The following PRDM16 variants were observed in gnomAD, a reference collection of about 807,000 sequenced individuals.
PRDM16 encodes the protein histone-lysine N-methyltransferase PRDM16.
Under a neutral mutation model 110.6 loss-of-function variants are expected in PRDM16, and 23 were observed. That is an observed-to-expected ratio of 0.21 (90% confidence interval 0.15 to 0.29). The LOEUF is 0.29. Ranked by LOEUF, PRDM16 falls within the 10% of genes least tolerant of loss-of-function variation. PRDM16 has a pLI of 1.00. For missense variants in PRDM16, 1,615 were observed against 1,794.3 expected (o/e 0.90, Z 1.81); for synonymous variants, 799 against 781.8 (o/e 1.02, Z -0.37).
intron 2 of PRDM16, among the ~76,000 whole-genome samples, chr1:3,187,222 C>CA (rs1004868587): frequency 6.6e-6 from 1 of 152,168 alleles, no homozygotes; most frequent in African/African-American, 2.4e-5. Context: ...CCCACCCCCC[C>CA]ACAAAAAGTG....
At chr1:3,248,409 T>C (rs1435280347) in intron 3 of PRDM16, among the ~76,000 whole-genome samples, 1 of 152,196 alleles carries the variant, frequency 6.6e-6, no homozygotes, top group Non-Finnish European at 1.5e-5. Flanking sequence ...TCTCTTATTT[T>C]TATTTTCTCT....
intron 3 of PRDM16, among the ~76,000 whole-genome samples, chr1:3,321,417 C>T (rs2100455311): frequency 6.6e-6 from 1 of 150,584 alleles, no homozygotes; most frequent in South Asian, 2.1e-4. Flanking sequence ...TGAGTGTATG[C>T]ATTTGTGTGT....
chr1:3,198,472 C>T (rs1179228782), intron 2 of PRDM16, among the ~76,000 whole-genome samples: 3 of 152,216 alleles, frequency 2.0e-5, no homozygotes, highest in Non-Finnish European at 4.4e-5. Flanking sequence ...TGCAGGGGAG[C>T]GTGGTCTCTT....
chr1:3,104,498 C>T (rs1035854774), intron 1 of PRDM16, among the ~76,000 whole-genome samples: 4 of 125,650 alleles, frequency 3.2e-5, no homozygotes, highest in East Asian at 3.0e-4. Flanking sequence ...CTCCAGTGGG[C>T]GGGAGACCAC....
chr1:3,114,881 C>A (rs1242681559), intron 1 of PRDM16, among the ~76,000 whole-genome samples: 2 of 152,264 alleles, frequency 1.3e-5, no homozygotes, highest in African/African-American at 4.8e-5. Context: ...GAGGCCCTGG[C>A]CGGGATGCAG....
At position 3,160,129 on chromosome 1, in the gene PRDM16, C is replaced by T. The variant is rs372189759; in HGVS notation, c.38-25996C>T. ...GGGCAGCCGGGCATTTCTGAGCTCC[C>T]GCAGCCAGAGGCCTTGCCCTTGGCA... is the stretch of plus-strand genomic sequence containing the variant. On this transcript the variant is annotated intron_variant, in intron 1 of 16. Transcript: ENST00000270722. Among the ~76,000 whole-genome samples the T allele has an allele frequency of 1.8e-4, 28 of 152,332 alleles. No homozygotes were observed. In the South Asian group the frequency reaches 4.8e-3, roughly 26 times the overall value.
At chr1:3,072,113 A>T (rs1026576058) in intron 1 of PRDM16, among the ~76,000 whole-genome samples, 2 of 152,022 alleles carry the variant, frequency 1.3e-5, no homozygotes, top group Non-Finnish European at 2.9e-5. Context: ...CAGAGTGAGG[A>T]CAGTTCAGGG....
chr1:3,183,796 C>T (rs748593474), intron 1 of PRDM16, among the ~76,000 whole-genome samples: 3 of 152,228 alleles, frequency 2.0e-5, no homozygotes, highest in South Asian at 2.1e-4. Context: ...GCACTTGATG[C>T]GGACGCTGCC....
intron 1 of PRDM16, among the ~76,000 whole-genome samples, chr1:3,139,303 G>A (rs905752274): frequency 2.6e-5 from 4 of 152,190 alleles, no homozygotes; most frequent in Non-Finnish European, 5.9e-5. Context: ...TCCTGGAGCC[G>A]AGCCGTGCAG....
intron 3 of PRDM16, among the ~76,000 whole-genome samples, chr1:3,360,982 C>T (rs1570133530): frequency 6.6e-6 from 1 of 152,210 alleles, no homozygotes; most frequent in African/African-American, 2.4e-5. Context: ...TATGCACTCT[C>T]GTTTTCTCGG....
intron 4 of PRDM16, among the ~76,000 whole-genome samples, chr1:3,388,183 C>T (rs1016195884): frequency 6.6e-6 from 1 of 152,236 alleles, no homozygotes; most frequent in Non-Finnish European, 1.5e-5. Context: ...TTCCACCATG[C>T]CAGGAGTTCC....
chr1:3,368,394 G>A (rs1193162030), intron 3 of PRDM16, among the ~76,000 whole-genome samples: 1 of 152,142 alleles, frequency 6.6e-6, no homozygotes, highest in Non-Finnish European at 1.5e-5. Context: ...GCTGGGCCCC[G>A]GGCAGGAAGA....
chr1:3,146,611 T>TG (rs201665633), intron 1 of PRDM16, among the ~76,000 whole-genome samples: 152 of 130,778 alleles, frequency 1.2e-3, no homozygotes, highest in African/African-American at 3.8e-3. Flanking sequence ...GTGCTCAGTG[T>TG]GGGGGGTGTG....
intron 3 of PRDM16, among the ~76,000 whole-genome samples, chr1:3,378,435 G>T (rs117210351): frequency 6.6e-6 from 1 of 152,166 alleles, no homozygotes; most frequent in Non-Finnish European, 1.5e-5. Flanking sequence ...CCAGAACAGG[G>T]CTCGGGGACC....
chr1:3,236,814 T>C (rs1465387143), intron 2 of PRDM16, among the ~76,000 whole-genome samples: 1 of 152,214 alleles, frequency 6.6e-6, no homozygotes, highest in African/African-American at 2.4e-5. Context: ...CAGGAAGCCA[T>C]AGCCTTGCTC....
chr1:3,190,870 C>G lies in PRDM16; in HGVS notation c.387+4396C>G, dbSNP rs1875450. Among the ~76,000 whole-genome samples, 2 of 152,250 alleles carry G rather than the reference C, an allele frequency of 1.3e-5. No homozygotes were observed. Among genetic ancestry groups the G allele is most frequent in the East Asian group, 1.9e-4 (1 of 5,200 alleles). On this transcript the variant is annotated intron_variant, in intron 2 of 16. Transcript: ENST00000270722. This position sits in a 1 kb window ranked among gnomAD's most constrained non-coding sequence, Gnocchi z 5.0. Reference sequence around the variant, plus strand: ...TTTTGCTAATTAAGAGGCGGCTGCCCGGTGACAGCCCAGAGGGAGGAGGCC... The same window carrying G: ...TTTTGCTAATTAAGAGGCGGCTGCCGGGTGACAGCCCAGAGGGAGGAGGCC...
At chr1:3,170,781 C>G (rs901144355) in intron 1 of PRDM16, among the ~76,000 whole-genome samples, 2 of 152,048 alleles carry the variant, frequency 1.3e-5, no homozygotes, top group African/African-American at 4.8e-5. Flanking sequence ...TGGAGGCACA[C>G]GGACATGGAC....
At chr1:3,394,759 C>G (rs1643359854) in intron 4 of PRDM16, among the ~76,000 whole-genome samples, 1 of 152,224 alleles carries the variant, frequency 6.6e-6, no homozygotes, top group Non-Finnish European at 1.5e-5. Context: ...CCAGCTGGCG[C>G]TTCTCATCCC....
chr1:3,089,505 C>A (rs1642224608), intron 1 of PRDM16, among the ~76,000 whole-genome samples: 2 of 152,234 alleles, frequency 1.3e-5, no homozygotes, highest in South Asian at 4.1e-4. Context: ...GCCTGTCAGC[C>A]TTCCCACGTG....
Sources: allele counts gnomAD v4.1 joint callset (sites outside exome capture counted in the v4.1 genomes callset), GRCh38; gene constraint gnomAD v4.1.1; non-coding constraint Gnocchi (gnomAD v3.1); transcripts MANE v1.5; gene names NCBI Gene and HGNC (gene_info 2026-07-23, HGNC 2026-07-21).